The following TMPO variants were observed in gnomAD, a reference collection of about 807,000 sequenced individuals.
TMPO encodes the protein LEM domain containing 4.
TMPO carries 22 observed loss-of-function variants against 45.4 expected under a neutral mutation model. That is an observed-to-expected ratio of 0.48 (90% CI 0.35 to 0.69). The LOEUF is 0.69. Ranked by LOEUF, TMPO falls within the 30% of genes least tolerant of loss-of-function variation. The pLI is 0.01. For missense variants in TMPO, 512 were observed against 548.8 expected (o/e 0.93, Z 0.67); for synonymous variants, 241 against 204.1 (o/e 1.18, Z -1.54).
intron 2 of TMPO, among the ~76,000 whole-genome samples, chr12:98,530,151 A>G (rs973698890): frequency 1.3e-5 from 2 of 152,060 alleles, no homozygotes; most frequent in African/African-American, 4.8e-5. Context: ...CAGCCTGGAC[A>G]ACATAGTGAA....
rs1284409324 is a variant in TMPO at position 98,521,487 on chromosome 12, AT to A, written c.279+5342del. On this transcript the variant is annotated intron_variant, in intron 1 of 8. Transcript: ENST00000556029. ...CCATAGTCTCTTGGATTCACTTGGTATAATGTGACAAAACTTTGCATGTTAA... is the reference window on the plus strand; with the variant it reads ...CCATAGTCTCTTGGATTCACTTGGTAAATGTGACAAAACTTTGCATGTTAA... 2.6e-5 allele frequency among the ~76,000 whole-genome samples: 4 copies of A among 152,144 alleles called. No individual in the cohort carries two copies. The East Asian group carries it at 7.7e-4, about 29-fold the overall frequency.
intron 3 of TMPO, chr12:98,535,470 TA>T: frequency 1.0e-6 from 1 of 985,370 alleles, no homozygotes; most frequent in South Asian, 4.7e-5. Context: ...ACCACATTCT[TA>T]GATTATATGT....
At position 98,544,477 on chromosome 12, in the gene TMPO, A is replaced by G. The variant is rs770659768; in HGVS notation, c.819A>G (p.Pro273=). 2.7e-5 allele frequency: 43 copies of G among 1,613,996 alleles called. No individual in the cohort carries two copies. The South Asian group carries it at 4.5e-4, about 17-fold the overall frequency. ...CAGAACATTTTCGTATAGATGGTCC[A>G]GTAATTTCAGAGAGTACTCCCATAG... ...ETSEHFRIDG[P]VISESTPIAE... Residue 273 remains proline (P), a synonymous_variant, in exon 6 of 9, where the codon CCA becomes CCG. Transcript: ENST00000556029.
chr12:98,535,741 C>A, intron 3 of TMPO: 1 of 805,136 alleles, frequency 1.2e-6, no homozygotes, highest in Non-Finnish European at 1.5e-6. Context: ...CATTGAAACT[C>A]ACTTTGACAT....
intron 4 of TMPO, among the ~76,000 whole-genome samples, chr12:98,538,120 G>A (rs1304348321): frequency 6.6e-6 from 1 of 152,110 alleles, no homozygotes; most frequent in Admixed American, 6.5e-5. Context: ...GAGAAAATAA[G>A]CATAGGTATA....
At chr12:98,521,790 C>T (rs1028368570) in intron 1 of TMPO, among the ~76,000 whole-genome samples, 2 of 151,966 alleles carry the variant, frequency 1.3e-5, no homozygotes, top group Non-Finnish European at 2.9e-5. Context: ...AGTGCAGTGG[C>T]GCGATCTCGG....
rs759247844 is a variant in TMPO, at chr12:98,534,247, T to G, written c.565+2409T>G. 7 of 1,613,862 alleles carry G rather than the reference T, an allele frequency of 4.3e-6. No homozygotes were observed. Among genetic ancestry groups the G allele is most frequent in the Non-Finnish European group, 5.9e-6 (7 of 1,179,906 alleles). ...GAAGGATTGCAAAATTAATTTAGCT[T>G]CTAAGAATAAGCTGGCTTCCACTCC... On this transcript the variant is annotated intron_variant, in intron 3 of 8. Transcript: ENST00000556029.
chr12:98,523,494 G>A (rs1173104575), intron 1 of TMPO, among the ~76,000 whole-genome samples: 1 of 151,574 alleles, frequency 6.6e-6, no homozygotes, highest in African/African-American at 2.4e-5. Context: ...GGAGATGGAG[G>A]GCATGCCACT....
At chr12:98,533,743 G>GAA in intron 3 of TMPO, 1 of 1,614,126 alleles carries the variant, frequency 6.2e-7, no homozygotes, top group Non-Finnish European at 8.5e-7. Context: ...TCCCTTCCAT[G>GAA]AATCTATTTT....
At chr12:98,537,686 T>A (rs1296548372) in intron 4 of TMPO, 114 bp downstream of exon 4, 2 of 837,638 alleles carry the variant, frequency 2.4e-6, no homozygotes, top group Admixed American at 2.0e-5. Flanking sequence ...TCAATAAACT[T>A]AATTCTGTTG....
chr12:98,535,509 A>C (rs1427850765), intron 3 of TMPO: 2 of 985,182 alleles, frequency 2.0e-6, no homozygotes, highest in African/African-American at 1.7e-5. Flanking sequence ...TCTGAGAGTA[A>C]TTTTATTTGT....
At position 98,516,116 on chromosome 12, in the gene TMPO, C is replaced by T. The variant is rs747943302; in HGVS notation, c.249C>T (p.Ala83=). ...PTPVLGSGAA[A]AGRSRAAVGR... Reference sequence around the variant, plus strand: ...CGGTCCTCGGCTCTGGGGCCGCCGCCGCGGGCCGGAGCCGAGCAGCCGTCG... The same window carrying T: ...CGGTCCTCGGCTCTGGGGCCGCCGCTGCGGGCCGGAGCCGAGCAGCCGTCG... Residue 83 remains alanine (A), a synonymous_variant, in exon 1 of 9, where the codon GCC becomes GCT. Transcript: ENST00000556029. 14 of 1,525,818 alleles carry T rather than the reference C, an allele frequency of 9.2e-6. No individual in the cohort carries two copies. The African/African-American group carries it at 1.5e-4, about 17-fold the overall frequency. The allele number at this position is 1,525,818 out of a possible 1,614,324, so 94.5% of individuals were successfully genotyped here.
intron 1 of TMPO, among the ~76,000 whole-genome samples, chr12:98,521,153 G>A (rs998909125): frequency 1.5e-5 from 2 of 133,292 alleles, no homozygotes; most frequent in African/African-American, 5.9e-5. Flanking sequence ...TGTCACCCAG[G>A]CTGGACTGCA....
At position 98,547,612 on chromosome 12, in the gene TMPO, G is replaced by A. The variant is rs144913822; in HGVS notation, c.1119G>A (p.Arg373=). The change falls in exon 9 of 9, where the codon CGG becomes CGA. Residue 373 remains arginine, a synonymous_variant. Coordinates refer to ENST00000556029, the MANE Select transcript of TMPO (RefSeq NM_001032283.3). The part of the protein sequence containing the change: ...CRRPIKGAAG[R]PLELSDFRME... The stretch of plus-strand genomic sequence containing the variant: ...GACCAATCAAAGGGGCTGCAGGCCG[G>A]CCATTAGAACTCAGTGATTTCAGGA... 1.5e-4 allele frequency: 246 copies of A among 1,614,178 alleles called. 1 individual carries two copies. In the African/African-American group the frequency reaches 2.7e-3, roughly 17 times the overall value.
intron 1 of TMPO, among the ~76,000 whole-genome samples, chr12:98,517,539 C>G (rs1384599284): frequency 6.6e-6 from 1 of 152,152 alleles, no homozygotes; most frequent in African/African-American, 2.4e-5. Context: ...TTTTAAGGAA[C>G]CTGTCTAATG....
At chr12:98,546,277 A>T (rs1466834908) in intron 7 of TMPO, 82 bp from the exon 8 acceptor site, 1 of 954,410 alleles carries the variant, frequency 1.0e-6, no homozygotes, top group East Asian at 2.4e-5. Context: ...TTGTTCTCTA[A>T]AACTTACTAT....
intron 1 of TMPO, 180 bp downstream of exon 1, chr12:98,516,326 C>T: frequency 8.2e-7 from 1 of 1,226,118 alleles, no homozygotes; most frequent in Non-Finnish European, 1.0e-6. Flanking sequence ...GCGGAGAGGC[C>T]AGAAGTTGGG....
In TMPO at chr12:98,518,518, C is replaced by A. The variant is rs1480625442; in HGVS notation, c.279+2372C>A. On this transcript the variant is annotated intron_variant, in intron 1 of 8. Coordinates refer to ENST00000556029, the MANE Select transcript of TMPO (RefSeq NM_001032283.3). The stretch of plus-strand genomic sequence containing the variant: ...TTGGTACACAGGCTTTCTGTGTTGT[C>A]CAGGCTGGTCTAGAACTCTTGGCCT... Among the ~76,000 whole-genome samples the A allele has an allele frequency of 1.1e-4, 13 of 114,912 alleles. No homozygotes were observed. In the Admixed American group the frequency reaches 1.4e-3, roughly 12 times the overall value. The allele number at this position is 114,912 out of a possible 152,430, so 75.4% of individuals were successfully genotyped here.
chr12:98,529,178 C>G (rs149394844), intron 2 of TMPO, among the ~76,000 whole-genome samples: 1 of 151,706 alleles, frequency 6.6e-6, no homozygotes, highest in African/African-American at 2.4e-5. Flanking sequence ...CTCAGCTTCC[C>G]GAATAGCTGG....
Sources: allele counts gnomAD v4.1 joint callset (sites outside exome capture counted in the v4.1 genomes callset), GRCh38; gene constraint gnomAD v4.1.1; transcripts MANE v1.5; gene names NCBI Gene and HGNC (gene_info 2026-07-23, HGNC 2026-07-21).